Variants in MCF2 observed in about 807,000 individuals in gnomAD.
MCF2 encodes proto-oncogene DBL.
MCF2 carries 44 observed loss-of-function variants against 82.5 expected under a neutral mutation model. The ratio of observed to expected loss-of-function variants is 0.53; its 90% CI spans 0.42 to 0.69. The LOEUF (loss-of-function observed/expected upper bound fraction) is 0.69. MCF2 is among the 30% of genes least tolerant of loss of function. The probability of loss-of-function intolerance (pLI) is 0.00; values close to 1 mark genes in which losing one functional copy is unlikely to be tolerated. For synonymous variants in MCF2, 217 were observed against 224.9 expected (o/e 0.96, Z 0.32); for missense variants, 623 against 663.1 (o/e 0.94, Z 0.66).
intron 1 of MCF2, among the ~76,000 whole-genome samples, chrX:139,666,003 A>G (rs987527186): frequency 2.0e-5 from 2 of 102,339 alleles, no homozygotes; most frequent in Non-Finnish European, 3.9e-5. Context: ...ACACACACAC[A>G]AGGCACATGA....
At chrX:139,650,063 G>A (rs1181941363) in intron 2 of MCF2, among the ~76,000 whole-genome samples, 1 of 112,161 alleles carries the variant, frequency 8.9e-6, no homozygotes, top group Non-Finnish European at 1.9e-5. Context: ...TCATTTAAAA[G>A]CAGAGGCCAG....
chrX:139,596,243 G>A (rs1021320517), intron 19 of MCF2, among the ~76,000 whole-genome samples: 2 of 111,330 alleles, frequency 1.8e-5, no homozygotes, highest in African/African-American at 6.5e-5. Flanking sequence ...GTGCTTATGA[G>A]GAGGCTGGGA....
chrX:139,656,591 A>T (rs1456100714), intron 1 of MCF2, among the ~76,000 whole-genome samples: 1 of 112,324 alleles, frequency 8.9e-6, no homozygotes, highest in Non-Finnish European at 1.9e-5. Flanking sequence ...AAGGGGAAGA[A>T]GATAACACAG....
chrX:139,582,840 G>A (rs958639246), intron 24 of MCF2, among the ~76,000 whole-genome samples: 33 of 111,568 alleles, frequency 3.0e-4, no homozygotes, highest in African/African-American at 9.1e-4. Context: ...TACAGCAAAC[G>A]GTTAAACACA....
At chrX:139,588,626 A>C (rs988131479) in intron 20 of MCF2, among the ~76,000 whole-genome samples, 188 bp from the exon 25 acceptor site, 1 of 111,131 alleles carries the variant, frequency 9.0e-6, no homozygotes, top group African/African-American at 3.3e-5. Flanking sequence ...GATTAGATGA[A>C]ATAATACAGT....
At chrX:139,604,652 A>C in intron 15 of MCF2, 29 bp downstream of exon 19, 1 of 975,221 alleles carries the variant, frequency 1.0e-6, no homozygotes, top group Non-Finnish European at 1.4e-6. Context: ...GTGCATATTT[A>C]TATATATTTA....
chrX:139,693,882 T>C (rs945346758), intron 1 of MCF2, among the ~76,000 whole-genome samples: 1 of 112,474 alleles, frequency 8.9e-6, no homozygotes, highest in African/African-American at 3.2e-5. Flanking sequence ...AAAAATGAGA[T>C]TGATCTGCAT....
rs1029517639 is a variant in MCF2, at chrX:139,684,395, A to C, written c.-45+23711T>G. Among the ~76,000 whole-genome samples the C allele has an allele frequency of 2.7e-5, 3 of 112,231 alleles. No homozygotes were observed. In the Admixed American group the frequency reaches 2.8e-4, roughly 11 times the overall value. ...TGATGGTGGGAATGTAAAAGGGTGC[A>C]GCTGCTTTGAAAAACGGTCTGGGAT... On this transcript the variant is annotated intron_variant, in intron 1 of 27. Transcript: ENST00000414978.
At chrX:139,671,247 C>T (rs768089195) in intron 1 of MCF2, among the ~76,000 whole-genome samples, 17 of 111,932 alleles carry the variant, frequency 1.5e-4, no homozygotes, top group Non-Finnish European at 2.3e-4. Context: ...CAAAAATTTT[C>T]TCCCATTCTG....
At chrX:139,670,171 T>TA (rs1934641354) in intron 1 of MCF2, among the ~76,000 whole-genome samples, 1 of 110,657 alleles carries the variant, frequency 9.0e-6, no homozygotes, top group Non-Finnish European at 1.9e-5. Context: ...TTTAATTATT[T>TA]AAAAAAGAGA....
rs954208891 is a variant in MCF2 at position 139,676,465 on chromosome X, A to C, written c.-44-24677T>G. On this transcript the variant is annotated intron_variant, in intron 1 of 27. Transcript: ENST00000414978. ...TATTTGGCCATCTTGGAATGGAAAAAAATTCTTATTTTTCTGAACAAATAA... is the reference window on the plus strand; with the variant it reads ...TATTTGGCCATCTTGGAATGGAAAACAATTCTTATTTTTCTGAACAAATAA... 1.3e-4 allele frequency among the ~76,000 whole-genome samples: 15 copies of C among 112,179 alleles called. 1 individual carries two copies. The Middle Eastern group carries it at 0.014, about 102-fold the overall frequency.
chrX:139,621,070 C>T (rs930622055), intron 6 of MCF2, among the ~76,000 whole-genome samples: 4 of 111,184 alleles, frequency 3.6e-5, no homozygotes, highest in African/African-American at 1.3e-4. Context: ...AGATCTTTTA[C>T]CAAATCAACG....
At chrX:139,655,450 T>C (rs1275791785) in intron 1 of MCF2, among the ~76,000 whole-genome samples, 2 of 112,159 alleles carry the variant, frequency 1.8e-5, no homozygotes, top group Non-Finnish European at 3.8e-5. Flanking sequence ...TGTATATAAA[T>C]GCTACTGACT....
At chrX:139,614,657 T>C (rs1367959613) in intron 10 of MCF2, among the ~76,000 whole-genome samples, 2 of 111,333 alleles carry the variant, frequency 1.8e-5, no homozygotes, top group African/African-American at 6.5e-5. Flanking sequence ...TACTCAGTAC[T>C]GAGACGTTCA....
chrX:139,699,254 C>G (rs1821801154), intron 1 of MCF2, among the ~76,000 whole-genome samples: 1 of 112,259 alleles, frequency 8.9e-6, no homozygotes. Context: ...TCTAGTCTCC[C>G]AATCAATGAA....
chrX:139,617,347 A>G (rs749403362), intron 8 of MCF2, among the ~76,000 whole-genome samples, 166 bp downstream of exon 11: 5 of 111,566 alleles, frequency 4.5e-5, no homozygotes, highest in African/African-American at 1.6e-4. Flanking sequence ...AGTCCTTCAG[A>G]CTTCTTACAA....
chrX:139,642,429 T>G lies in MCF2; in HGVS notation c.51+39A>C, dbSNP rs1933623226. 3 of 1,209,324 alleles carry G rather than the reference T, an allele frequency of 2.5e-6. No individual in the cohort carries two copies. In the African/African-American group the frequency reaches 5.2e-5, roughly 21 times the overall value. Reference sequence around the variant, plus strand: ...GCTGCAGCATCCCAGCACTTGAACTTGGGAACAGGCTTTCCAGGAGTGCAG... The same window carrying G: ...GCTGCAGCATCCCAGCACTTGAACTGGGGAACAGGCTTTCCAGGAGTGCAG... On this transcript the variant is annotated intron_variant, in intron 1 of 24. Transcript: ENST00000370576.
chrX:139,609,968 A>G (rs1194628665), intron 11 of MCF2, among the ~76,000 whole-genome samples: 2 of 112,907 alleles, frequency 1.8e-5, no homozygotes, highest in Non-Finnish European at 1.9e-5. Flanking sequence ...CATGAAAGAA[A>G]GTTTATTCTG....
At chrX:139,642,019 C>T (rs982049550) in intron 1 of MCF2, among the ~76,000 whole-genome samples, 55 of 111,324 alleles carry the variant, frequency 4.9e-4, no homozygotes, top group African/African-American at 1.8e-3. Flanking sequence ...TTCACTTATA[C>T]GGTAACACCC....
Sources: allele counts gnomAD v4.1 joint callset (sites outside exome capture counted in the v4.1 genomes callset), GRCh38; gene constraint gnomAD v4.1.1; transcripts MANE v1.5; gene names NCBI Gene and HGNC (gene_info 2026-07-23, HGNC 2026-07-21).